Variants in MPPED2 observed in about 807,000 individuals in gnomAD.
MPPED2 encodes the protein metallophosphoesterase domain containing 2.
Under a neutral mutation model 33.0 loss-of-function variants are expected in MPPED2, and 5 were observed. The ratio of observed to expected loss-of-function variants is 0.15; its 90% CI spans 0.08 to 0.32. MPPED2 has a LOEUF of 0.32. Among genes scored for constraint, MPPED2 ranks in the 10% least tolerant of loss-of-function variants. The pLI is 1.00. For missense variants in MPPED2, 275 were observed against 372.1 expected (o/e 0.74, Z 2.15); for synonymous variants, 136 against 141.9 (o/e 0.96, Z 0.29).
intron 4 of MPPED2, among the ~76,000 whole-genome samples, chr11:30,480,574 A>G (rs1360217869): frequency 6.6e-6 from 1 of 152,164 alleles, no homozygotes; most frequent in Non-Finnish European, 1.5e-5. Context: ...TCACAGGACT[A>G]AATTTATCAC....
Position 30,562,453 on chromosome 11 carries a change from C to A in MPPED2, c.128+17793G>T, listed in dbSNP as rs972769114. On this transcript the variant is annotated intron_variant, in intron 2 of 6. Transcript: ENST00000358117. ...CAGGCTGCCTCCTACGGGAAGCCTA[C>A]CTTCTTTCACGTTTGGGAGAAGAAT... Among the ~76,000 whole-genome samples, 3 of 152,268 alleles carry A rather than the reference C, an allele frequency of 2.0e-5. No homozygotes were observed. In the East Asian group the frequency reaches 5.8e-4, roughly 29 times the overall value.
chr11:30,468,659 A>G (rs553878334), intron 4 of MPPED2, among the ~76,000 whole-genome samples: 39 of 152,320 alleles, frequency 2.6e-4, no homozygotes, highest in African/African-American at 9.4e-4. Flanking sequence ...TATTAATCAT[A>G]TAGGAACCTC....
chr11:30,476,938 T>C (rs967106503), intron 4 of MPPED2, among the ~76,000 whole-genome samples: 6 of 152,050 alleles, frequency 3.9e-5, no homozygotes, highest in Admixed American at 6.6e-5. Context: ...AGATTCTACA[T>C]ATCTTTTGTT....
At chr11:30,401,280 G>A (rs986068652) in intron 6 of MPPED2, among the ~76,000 whole-genome samples, 7 of 152,200 alleles carry the variant, frequency 4.6e-5, no homozygotes, top group African/African-American at 1.4e-4. Context: ...CCCTGGTGCT[G>A]TGGTTAAGGC....
At chr11:30,464,796 T>C (rs781255188) in intron 4 of MPPED2, among the ~76,000 whole-genome samples, 1 of 152,240 alleles carries the variant, frequency 6.6e-6, no homozygotes, top group African/African-American at 2.4e-5. Context: ...TCTATTGTGA[T>C]AATGTGGGGA....
chr11:30,403,051 C>T (rs1407229466), intron 6 of MPPED2, among the ~76,000 whole-genome samples: 1 of 152,142 alleles, frequency 6.6e-6, no homozygotes, highest in Non-Finnish European at 1.5e-5. Context: ...CGAGACCATC[C>T]TGGCTAACAT....
chr11:30,558,612 G>A (rs1022597217), intron 2 of MPPED2, among the ~76,000 whole-genome samples: 29 of 151,102 alleles, frequency 1.9e-4, no homozygotes, highest in Middle Eastern at 3.4e-3. Flanking sequence ...GATAGAGACA[G>A]GGTCTTGCTA....
intron 4 of MPPED2, among the ~76,000 whole-genome samples, chr11:30,444,995 T>C (rs1012349381): frequency 6.6e-6 from 1 of 151,920 alleles, no homozygotes; most frequent in African/African-American, 2.4e-5. Context: ...TACATTAATT[T>C]CTTTTCCTCT....
chr11:30,442,144 C>T (rs1056015434), intron 4 of MPPED2, among the ~76,000 whole-genome samples: 1 of 152,110 alleles, frequency 6.6e-6, no homozygotes, highest in African/African-American at 2.4e-5. Flanking sequence ...TGAAGAAGAA[C>T]AGAGAAGAAC....
At chr11:30,396,657 G>C (rs534958518) in intron 6 of MPPED2, among the ~76,000 whole-genome samples, 1 of 151,972 alleles carries the variant, frequency 6.6e-6, no homozygotes, top group Non-Finnish European at 1.5e-5. Context: ...TTCAATTTAG[G>C]TGCCTGAATA....
chr11:30,454,559 T>TA (rs34599613), intron 4 of MPPED2, among the ~76,000 whole-genome samples: 5 of 151,194 alleles, frequency 3.3e-5, no homozygotes, highest in Admixed American at 2.6e-4. Flanking sequence ...TGACCTAGTT[T>TA]AAAAAAAAAG....
At position 30,410,858 on chromosome 11, in the gene MPPED2, A is replaced by G; in HGVS notation, c.*610T>C. On this transcript the variant is annotated 3_prime_UTR_variant, in exon 7 of 7. Coordinates refer to ENST00000358117, the MANE Select transcript of MPPED2 (RefSeq NM_001584.3). Reference sequence around the variant, plus strand: ...ACAAACAATGAGACCTTGTATAACCACAATAGGAATCTCACTAGTTAAACC... The same window carrying G: ...ACAAACAATGAGACCTTGTATAACCGCAATAGGAATCTCACTAGTTAAACC... 1.0e-6 allele frequency: 1 copy of G among 985,802 alleles called. No individual in the cohort carries two copies. The highest frequency in any genetic ancestry group is 4.7e-5 in the South Asian group (1 of 21,290). The allele number at this position is 985,802 out of a possible 1,614,324, so 61.1% of individuals were successfully genotyped here.
At chr11:30,528,697 G>A (rs1486704953) in intron 3 of MPPED2, among the ~76,000 whole-genome samples, 1 of 152,110 alleles carries the variant, frequency 6.6e-6, no homozygotes, top group Admixed American at 6.5e-5. Flanking sequence ...GGGCTCAAGT[G>A]ATCCTTAGGC....
At chr11:30,460,743 T>C (rs553580861) in intron 4 of MPPED2, among the ~76,000 whole-genome samples, 1 of 152,228 alleles carries the variant, frequency 6.6e-6, no homozygotes, top group Non-Finnish European at 1.5e-5. Flanking sequence ...ATGGGAATTA[T>C]GTCTGCTAAA....
intron 4 of MPPED2, among the ~76,000 whole-genome samples, chr11:30,475,263 G>A (rs1470522737): frequency 4.0e-5 from 6 of 151,882 alleles, no homozygotes; most frequent in South Asian, 2.1e-4. Context: ...ACATTCAGCC[G>A]AATATCCTTC....
chr11:30,466,833 T>C (rs1397901831), intron 4 of MPPED2, among the ~76,000 whole-genome samples: 2 of 152,216 alleles, frequency 1.3e-5, no homozygotes. Flanking sequence ...TATACAAGCA[T>C]AACATTTAGA....
intron 3 of MPPED2, among the ~76,000 whole-genome samples, chr11:30,515,492 G>A (rs766292182): frequency 2.0e-4 from 30 of 152,140 alleles, no homozygotes; most frequent in Non-Finnish European, 4.3e-4. Context: ...GAAACTAGGG[G>A]CTAGAGAAAA....
chr11:30,427,715 A>G (rs1948901443), intron 4 of MPPED2, among the ~76,000 whole-genome samples: 1 of 152,224 alleles, frequency 6.6e-6, no homozygotes, highest in Non-Finnish European at 1.5e-5. Flanking sequence ...ACATGTAAAA[A>G]ATGCTTTGAA....
chr11:30,396,181 A>G (rs927093210), intron 6 of MPPED2, among the ~76,000 whole-genome samples: 2 of 152,168 alleles, frequency 1.3e-5, no homozygotes, highest in Non-Finnish European at 2.9e-5. Context: ...TCCCCTGTGC[A>G]GGGACATAAA....
Sources: allele counts gnomAD v4.1 joint callset (sites outside exome capture counted in the v4.1 genomes callset), GRCh38; gene constraint gnomAD v4.1.1; transcripts MANE v1.5; gene names NCBI Gene and HGNC (gene_info 2026-07-23, HGNC 2026-07-21).